PTPRD: variants seen among roughly 807,000 people sequenced by gnomAD.
The protein encoded by PTPRD is receptor-type tyrosine-protein phosphatase delta.
A neutral mutation model predicts 214.5 loss-of-function variants in PTPRD; 34 were observed. That is an observed-to-expected ratio of 0.16 (90% CI 0.12 to 0.21). The LOEUF (loss-of-function observed/expected upper bound fraction) is 0.21. PTPRD is among the 10% of genes least tolerant of loss of function. The pLI, the probability that PTPRD is intolerant of heterozygous loss-of-function variation, is 1.00. For synonymous variants in PTPRD, 1,128 were observed against 845.7 expected (o/e 1.33, Z -5.79); for missense variants, 2,545 against 2,398.7 (o/e 1.06, Z -1.27).
chr9:8,625,355 C>A (rs1471061844), intron 14 of PTPRD, among the ~76,000 whole-genome samples: 1 of 151,624 alleles, frequency 6.6e-6, no homozygotes, highest in Non-Finnish European at 1.5e-5. Flanking sequence ...TCTAGTTGAC[C>A]AGTAAATGAC....
chr9:8,521,766 C>G (rs1351777579), intron 19 of PTPRD, among the ~76,000 whole-genome samples: 1 of 152,112 alleles, frequency 6.6e-6, no homozygotes, highest in Non-Finnish European at 1.5e-5. Flanking sequence ...ATATCTTAGA[C>G]ACACTAATAC....
intron 11 of PTPRD, among the ~76,000 whole-genome samples, chr9:8,751,454 TAG>T (rs2154463158): frequency 6.6e-6 from 1 of 152,260 alleles, no homozygotes; most frequent in Non-Finnish European, 1.5e-5. Flanking sequence ...TGAAGTTTTG[TAG>T]ATCAAAGCCT....
intron 31 of PTPRD, among the ~76,000 whole-genome samples, chr9:8,470,614 G>A (rs1339348109): frequency 6.6e-6 from 1 of 152,088 alleles, no homozygotes; most frequent in South Asian, 2.1e-4. Context: ...CTTGGTGTTT[G>A]TGACAGCCTC....
rs369463249 is a variant in PTPRD at position 8,472,764 on chromosome 9, C to T, written c.3414-1679G>A. 1.1e-4 allele frequency among the ~76,000 whole-genome samples: 16 copies of T among 152,118 alleles called. 1 individual carries two copies. Among genetic ancestry groups the T allele is most frequent in the African/African-American group, 3.9e-4 (16 of 41,516 alleles). ...GCTTTTTATTTTTTCACTGTTGCTA[C>T]TAGAAAACTTAAAATGTCACATGTG... On this transcript the variant is annotated intron_variant, in intron 30 of 45. Coordinates refer to ENST00000381196, the MANE Select transcript of PTPRD (RefSeq NM_002839.4).
At chr9:8,749,780 G>A (rs1405825491) in intron 11 of PTPRD, among the ~76,000 whole-genome samples, 1 of 152,092 alleles carries the variant, frequency 6.6e-6, no homozygotes, top group Non-Finnish European at 1.5e-5. Flanking sequence ...AGGTGATAGG[G>A]ACAAGAGACT....
At chr9:9,042,051 C>A (rs1189046496) in intron 10 of PTPRD, among the ~76,000 whole-genome samples, 1 of 152,160 alleles carries the variant, frequency 6.6e-6, no homozygotes, top group Non-Finnish European at 1.5e-5. Context: ...GTTCCTTTAA[C>A]TGAACTATGC....
At chr9:8,835,783 C>T (rs564480078) in intron 11 of PTPRD, among the ~76,000 whole-genome samples, 1 of 152,274 alleles carries the variant, frequency 6.6e-6, no homozygotes, top group South Asian at 2.1e-4. Context: ...AGTGATCCTC[C>T]CTCCTCAGAC....
chr9:9,491,847 G>C (rs1302872837), intron 8 of PTPRD, among the ~76,000 whole-genome samples: 1 of 151,778 alleles, frequency 6.6e-6, no homozygotes, highest in African/African-American at 2.4e-5. Flanking sequence ...ATTAGAAAAA[G>C]AAGAACAAGC....
chr9:8,996,926 T>C (rs1044593612), intron 11 of PTPRD, among the ~76,000 whole-genome samples: 2 of 152,116 alleles, frequency 1.3e-5, no homozygotes, highest in African/African-American at 4.8e-5. Context: ...TTTATGATTC[T>C]ATGTGTTTGT....
intron 14 of PTPRD, among the ~76,000 whole-genome samples, chr9:8,570,996 T>C (rs1206710825): frequency 6.6e-6 from 1 of 151,948 alleles, no homozygotes; most frequent in African/African-American, 2.4e-5. Flanking sequence ...AGTGAAATTG[T>C]TTCCACAGGC....
At chr9:9,811,443 C>T (rs1598477412) in intron 5 of PTPRD, among the ~76,000 whole-genome samples, 1 of 152,254 alleles carries the variant, frequency 6.6e-6, no homozygotes, top group Non-Finnish European at 1.5e-5. Context: ...CGCGGTGGCT[C>T]AGGCCTGTAA....
chr9:8,582,203 T>G (rs1034444040), intron 14 of PTPRD, among the ~76,000 whole-genome samples: 11 of 152,300 alleles, frequency 7.2e-5, no homozygotes, highest in Admixed American at 2.6e-4. Flanking sequence ...CAATAAACAG[T>G]GTTGGGACAA....
At chr9:9,880,132 T>A (rs2068191580) in intron 5 of PTPRD, among the ~76,000 whole-genome samples, 1 of 152,096 alleles carries the variant, frequency 6.6e-6, no homozygotes, top group South Asian at 2.1e-4. Context: ...TGATAGTGAG[T>A]GAACTCACAA....
intron 2 of PTPRD, among the ~76,000 whole-genome samples, chr9:10,364,683 G>A (rs188094027): frequency 6.6e-6 from 1 of 152,116 alleles, no homozygotes; most frequent in Non-Finnish European, 1.5e-5. Flanking sequence ...TTAAGATATA[G>A]AACAATCAGG....
chr9:9,534,937 G>A (rs1395278340), intron 8 of PTPRD, among the ~76,000 whole-genome samples: 3 of 151,988 alleles, frequency 2.0e-5, no homozygotes, highest in East Asian at 2.0e-4. Flanking sequence ...GTGCAGTCCC[G>A]GGACTGCAAT....
At chr9:9,729,552 T>C (rs2098150128) in intron 7 of PTPRD, among the ~76,000 whole-genome samples, 1 of 152,128 alleles carries the variant, frequency 6.6e-6, no homozygotes, top group South Asian at 2.1e-4. Context: ...ACCATCCTTA[T>C]GATTTCTAAT....
At chr9:8,378,123 A>C (rs2083816954) in intron 37 of PTPRD, among the ~76,000 whole-genome samples, 1 of 152,080 alleles carries the variant, frequency 6.6e-6, no homozygotes, top group Admixed American at 6.6e-5. Context: ...ACAAACAAAA[A>C]TTGTCCACAG....
chr9:10,329,262 C>T (rs1476091081), intron 3 of PTPRD, among the ~76,000 whole-genome samples: 1 of 150,868 alleles, frequency 6.6e-6, no homozygotes, highest in African/African-American at 2.4e-5. Flanking sequence ...TTTTGTTTGC[C>T]TGTGTTACCT....
intron 11 of PTPRD, among the ~76,000 whole-genome samples, chr9:8,736,143 G>A (rs909566438): frequency 3.3e-5 from 5 of 152,164 alleles, no homozygotes; most frequent in African/African-American, 1.2e-4. Flanking sequence ...GGTGAGAAGT[G>A]ACACAGGACT....
Sources: gnomAD v4.1 joint callset for allele counts (sites outside exome capture counted in the v4.1 genomes callset) on GRCh38, gnomAD v4.1.1 for gene constraint, MANE v1.5 for transcripts, NCBI Gene and HGNC (gene_info 2026-07-23, HGNC 2026-07-21) for gene names.